Variants in TGDS observed in about 807,000 individuals in gnomAD.
TGDS encodes the protein TDP-glucose 4,6-dehydratase, also known as UDP-D-glucose 4,6-dehydratase.
In TGDS, 47 loss-of-function variants were observed where a neutral mutation model predicts 52.3. The observed-to-expected ratio is 0.90, with a 90% confidence interval of 0.71 to 1.15. The LOEUF (loss-of-function observed/expected upper bound fraction) is 1.15, where lower values mean the gene tolerates loss of function less well. Ranked by LOEUF, TGDS falls within the 50% of genes most tolerant of loss-of-function variation. The pLI is 0.00. For missense variants in TGDS, 375 were observed against 418.4 expected (o/e 0.90, Z 0.90); for synonymous variants, 115 against 136.9 (o/e 0.84, Z 1.12).
At chr13:94,592,153 C>T in intron 3 of TGDS, 88 bp downstream of exon 3, 1 of 959,588 alleles carries the variant, frequency 1.0e-6, no homozygotes, top group Non-Finnish European at 1.5e-6. Flanking sequence ...TTTTCAAGCC[C>T]ACATTACACA....
At position 94,578,022 on chromosome 13, in the gene TGDS, T is replaced by C. The variant is rs1888661133; in HGVS notation, c.808A>G (p.Lys270Glu). Residue 270 changes from lysine to glutamate, a missense_variant, in exon 9 of 12, where the codon AAA becomes GAA. Physicochemically the swap from Lys to Glu is moderately conservative, Grantham distance 56. Transcript: ENST00000261296. ...NFEMSVVQLA[K>E]ELIQLIKETN... is the part of the protein sequence containing the mutation. ...ATACATACCAGTTGTATTAGTTCTT[T>C]GGCAAGCTGGACAACTGACATTTCA... 1 of 1,613,642 alleles carries C rather than the reference T, an allele frequency of 6.2e-7. No homozygotes were observed. The highest frequency in any genetic ancestry group is 8.5e-7 in the Non-Finnish European group (1 of 1,179,806).
chr13:94,577,914 A>T, intron 9 of TGDS, 91 bp downstream of exon 9: 2 of 1,283,880 alleles, frequency 1.6e-6, no homozygotes, highest in Non-Finnish European at 2.1e-6. Context: ...GCTTACTTTT[A>T]AATTAAGTAA....
At chr13:94,592,922 T>C (rs1393987091) in intron 2 of TGDS, among the ~76,000 whole-genome samples, 1 of 152,072 alleles carries the variant, frequency 6.6e-6, no homozygotes, top group African/African-American at 2.4e-5. Context: ...TTTGGGAGAC[T>C]GAGGAGGGCG....
Position 94,583,158 on chromosome 13 carries a change from T to C in TGDS, c.392A>G (p.Glu131Gly). ...GTHVLVSAAH[E>G]ARVEKFIYVS... ...ATAAATAAACTTCTCCACTCTGGCT[T>C]CATGAGCAGCACTTACCAAAACGTG... Residue 131 changes from glutamate to glycine, a missense_variant, in exon 5 of 12, where the codon GAA becomes GGA. Coordinates refer to ENST00000261296, the MANE Select transcript of TGDS (RefSeq NM_014305.4). 1 of 1,614,012 alleles carries C rather than the reference T, an allele frequency of 6.2e-7. No individual in the cohort carries two copies. Among genetic ancestry groups the C allele is most frequent in the Non-Finnish European group, 8.5e-7 (1 of 1,179,952 alleles).
intron 2 of TGDS, among the ~76,000 whole-genome samples, chr13:94,592,861 TA>T (rs2139545887): frequency 6.6e-6 from 1 of 152,206 alleles, no homozygotes; most frequent in East Asian, 1.9e-4. Context: ...ATCTCTACTT[TA>T]AAAAATGTTC....
chr13:94,591,249 T>A (rs1162326412), intron 3 of TGDS, among the ~76,000 whole-genome samples: 1 of 152,172 alleles, frequency 6.6e-6, no homozygotes, highest in Non-Finnish European at 1.5e-5. Context: ...ATACAAAACT[T>A]TTTTTAGCAC....
At chr13:94,594,856 T>C (rs950428619) in intron 1 of TGDS, among the ~76,000 whole-genome samples, 3 of 147,128 alleles carry the variant, frequency 2.0e-5, no homozygotes, top group African/African-American at 7.3e-5. Context: ...CTGAGTTCCT[T>C]GAGGGGAGGA....
chr13:94,584,709 T>C (rs9524544), intron 4 of TGDS, among the ~76,000 whole-genome samples: 105,645 of 151,992 alleles, frequency 0.7, 37,320 homozygotes, highest in African/African-American at 0.82. Context: ...GGGAAAAACA[T>C]TGAAGATAAA....
At chr13:94,576,026 C>T (rs1174573140) in intron 11 of TGDS, among the ~76,000 whole-genome samples, 1 of 151,912 alleles carries the variant, frequency 6.6e-6, no homozygotes. Context: ...AAAATACATA[C>T]CTTTTAGGAG....
At chr13:94,580,936 C>T (rs1405851400) in intron 6 of TGDS, among the ~76,000 whole-genome samples, 155 bp downstream of exon 6, 1 of 151,734 alleles carries the variant, frequency 6.6e-6, no homozygotes, top group Non-Finnish European at 1.5e-5. Flanking sequence ...GTCAGGAGTT[C>T]GAGACCAGCC....
At position 94,595,837 on chromosome 13, in the gene TGDS, T is replaced by C. The variant is rs141979395; in HGVS notation, c.86+214A>G. 149 of 610,768 alleles carry C rather than the reference T, an allele frequency of 2.4e-4. 2 individuals carry two copies. Among genetic ancestry groups the C allele is most frequent in the African/African-American group, 2.4e-3 (131 of 54,018 alleles). The allele number at this position is 610,768 out of a possible 1,614,324, so 37.8% of individuals were successfully genotyped here. The stretch of plus-strand genomic sequence containing the variant: ...AGAAGGGCGGAGAGTAACGCAGCTT[T>C]GGAAGAGGCGTTTTAAAGAAGTCAG... On this transcript the variant is annotated intron_variant, in intron 1 of 11. Coordinates refer to ENST00000261296, the MANE Select transcript of TGDS (RefSeq NM_014305.4).
chr13:94,576,316 G>C lies in TGDS; in HGVS notation c.980C>G (p.Thr327Arg). Reference sequence around the variant, plus strand: ...AAAATGATTAATTCAAAACATACTTGTTTTCTTTATTCCTTCTTTCCAAGG... The same window carrying C: ...AAAATGATTAATTCAAAACATACTTCTTTTCTTTATTCCTTCTTTCCAAGG... ...KVPWKEGIKKTIEWYRENFHN... is the reference protein window; with the variant it reads ...KVPWKEGIKKRIEWYRENFHN... Residue 327 changes from threonine (T) to arginine (R), a missense_variant and splice_region_variant, in exon 11 of 12, where the codon ACA becomes AGA. Physicochemically the swap from Thr to Arg is moderately conservative, Grantham distance 71. Transcript: ENST00000261296. 4 of 1,583,954 alleles carry C rather than the reference G, an allele frequency of 2.5e-6. No individual in the cohort carries two copies. The highest frequency in any genetic ancestry group is 3.4e-6 in the Non-Finnish European group (4 of 1,167,818).
At chr13:94,587,158 A>C (rs1889019843) in intron 4 of TGDS, among the ~76,000 whole-genome samples, 1 of 123,280 alleles carries the variant, frequency 8.1e-6, no homozygotes. Context: ...TATAGTCTAA[A>C]ATGCATACAT....
chr13:94,593,773 T>C (rs1224482453), intron 2 of TGDS, 68 bp downstream of exon 2: 2 of 1,128,170 alleles, frequency 1.8e-6, no homozygotes, highest in East Asian at 2.4e-5. Context: ...GACAAGATTC[T>C]AGTACTTTTA....
intron 1 of TGDS, among the ~76,000 whole-genome samples, chr13:94,594,322 G>C (rs1225927066): frequency 6.6e-6 from 1 of 152,168 alleles, no homozygotes; most frequent in Non-Finnish European, 1.5e-5. Context: ...ATTACTATGA[G>C]TATAGTCAGT....
At chr13:94,592,456 CACT>C in intron 2 of TGDS, 147 bp from the exon 3 acceptor site, 2 of 623,454 alleles carry the variant, frequency 3.2e-6, no homozygotes, top group Non-Finnish European at 5.3e-6. Flanking sequence ...CCTGTCTTTA[CACT>C]ACTTTTTTTT....
chr13:94,596,115 C>A lies in TGDS; in HGVS notation c.22G>T (p.Glu8Ter). The change falls in exon 1 of 12, where the codon GAA (glutamate) becomes TAA (stop). Residue 8 changes from glutamate to a stop codon, truncating the protein, a stop_gained. Coordinates refer to ENST00000261296, the MANE Select transcript of TGDS (RefSeq NM_014305.4). LOFTEE classifies it high-confidence loss of function. MSAACWE[E>*]PWGLPGGFAK... The stretch of plus-strand genomic sequence containing the variant: ...AAGCCGCCGGGAAGACCCCACGGTT[C>A]CTCCCAACACGCCGCCGACATCTCC... 6.2e-7 allele frequency: 1 copy of A among 1,614,166 alleles called. No homozygotes were observed. The highest frequency in any genetic ancestry group is 8.5e-7 in the Non-Finnish European group (1 of 1,180,020).
chr13:94,577,503 G>T, intron 9 of TGDS, 74 bp from the exon 10 acceptor site: 1 of 1,251,664 alleles, frequency 8.0e-7, no homozygotes, highest in Non-Finnish European at 1.1e-6. Context: ...TTTAATGGCT[G>T]ATTAAAAAGA....
Position 94,590,951 on chromosome 13 carries a change from A to G in TGDS, c.223-8T>C. ...AGAATCACATATGTCACCCTATATG[A>G]AAAAGCAAACATGAAAGGGCCTAGG... is the stretch of plus-strand genomic sequence containing the variant. On this transcript the variant is annotated splice_polypyrimidine_tract_variant and splice_region_variant and intron_variant, in intron 3 of 11. Transcript: ENST00000261296. 6.4e-7 allele frequency: 1 copy of G among 1,564,796 alleles called. No homozygotes were observed. Among genetic ancestry groups the G allele is most frequent in the Non-Finnish European group, 8.6e-7 (1 of 1,162,346 alleles).
Sources: gnomAD v4.1 joint callset for allele counts (sites outside exome capture counted in the v4.1 genomes callset) on GRCh38, gnomAD v4.1.1 for gene constraint, MANE v1.5 for transcripts, NCBI Gene and HGNC (gene_info 2026-07-23, HGNC 2026-07-21) for gene names.